The following PRPF8 variants were observed in gnomAD, a reference collection of about 807,000 sequenced individuals.
PRPF8 encodes the protein pre-mRNA-processing-splicing factor 8.
PRPF8 carries 64 observed loss-of-function variants against 285.9 expected under a neutral mutation model. The observed-to-expected ratio is 0.22, with a 90% CI of 0.18 to 0.28. The LOEUF (loss-of-function observed/expected upper bound fraction) is 0.28, where lower values mean the gene tolerates loss of function less well. PRPF8 is among the 10% of genes least tolerant of loss of function. The probability of loss-of-function intolerance (pLI) is 1.00; values close to 1 mark genes in which losing one functional copy is unlikely to be tolerated. For missense variants in PRPF8, 1,426 were observed against 3,026.7 expected (o/e 0.47, Z 12.41); for synonymous variants, 1,325 against 1,118.2 (o/e 1.18, Z -3.69).
intron 24 of PRPF8, among the ~76,000 whole-genome samples, chr17:1,670,259 T>C (rs1172506407): frequency 6.6e-6 from 1 of 152,230 alleles, no homozygotes; most frequent in Admixed American, 6.5e-5. Context: ...TTATATATCC[T>C]AAACTAGATT....
rs749957484 is a variant in PRPF8 at position 1,682,213 on chromosome 17, G to C, written c.350C>G (p.Pro117Arg). The change falls in exon 4 of 43, where the codon CCT (proline) becomes CGT (arginine). Residue 117 changes from proline (P) to arginine (R), a missense_variant. Pro to Arg is a moderately radical substitution (Grantham distance 103). This residue lies in a region of PRPF8 where 96 missense variants were observed against 188.3 expected (regional missense o/e 0.51). Coordinates refer to ENST00000304992, the MANE Select transcript of PRPF8 (RefSeq NM_006445.4). ...GGCTCCAGTGATGTGGTACAGCACA[G>C]GCACATCCCGAATCTGCTCCCAAGG... Reference protein sequence around the residue: ...PMPWEQIRDVPVLYHITGAIS... With the variant: ...PMPWEQIRDVRVLYHITGAIS... 1 of 1,614,008 alleles carries C rather than the reference G, an allele frequency of 6.2e-7. No homozygotes were observed. The highest frequency in any genetic ancestry group is 8.5e-7 in the Non-Finnish European group (1 of 1,180,030).
In PRPF8 at chr17:1,651,386, T is replaced by C. The variant is rs1567674203; in HGVS notation, c.6650+28A>G. 3 of 1,614,080 alleles carry C rather than the reference T, an allele frequency of 1.9e-6. No homozygotes were observed. The highest frequency in any genetic ancestry group is 2.5e-6 in the Non-Finnish European group (3 of 1,179,992). On this transcript the variant is annotated intron_variant, in intron 41 of 42. Transcript: ENST00000304992. The surrounding 1 kb of genome is among the most constrained non-coding windows in gnomAD (Gnocchi z 5.1). ...CTGGCCTGCAATCCCTGCCCCACCA[T>C]ACTTCCTCCCAAGGAGCCCAGGCCC... is the stretch of plus-strand genomic sequence containing the variant.
Position 1,660,687 on chromosome 17 carries a change from A to T in PRPF8, c.4638+11T>A. 1 of 1,614,206 alleles carries T rather than the reference A, an allele frequency of 6.2e-7. No individual in the cohort carries two copies. Among genetic ancestry groups the T allele is most frequent in the Non-Finnish European group, 8.5e-7 (1 of 1,180,044 alleles). ...CTTTAGCTTCCCCTCTCCAGTGTCA[A>T]TCACACTCACATTGGCTCGATTAAT... On this transcript the variant is annotated intron_variant, in intron 29 of 42. Transcript: ENST00000304992.
At chr17:1,662,379 G>T (rs1353300586) in intron 24 of PRPF8, among the ~76,000 whole-genome samples, 1 of 151,790 alleles carries the variant, frequency 6.6e-6, no homozygotes, top group African/African-American at 2.4e-5. Flanking sequence ...GCTTGAGCCC[G>T]GGAGTTGGAG....
At position 1,662,091 on chromosome 17, in the gene PRPF8, C is replaced by T. The variant is rs1329757056; in HGVS notation, c.3837G>A (p.Val1279=). ...GTAAGTCCAAGAGCTCTTGGGTGTTCACCACAGCCTCCCGAAAGTATGTCA... is the reference window on the plus strand; with the variant it reads ...GTAAGTCCAAGAGCTCTTGGGTGTTTACCACAGCCTCCCGAAAGTATGTCA... ...GLMTYFREAV[V]NTQELLDLLV... is the part of the protein sequence containing the mutation. The change falls in exon 25 of 43, where the codon GTG becomes GTA. Residue 1279 remains valine, a synonymous_variant. Transcript: ENST00000304992. The T allele has an allele frequency of 1.9e-6, 3 of 1,613,984 alleles. No individual in the cohort carries two copies. Among genetic ancestry groups the T allele is most frequent in the Admixed American group, 1.7e-5 (1 of 59,974 alleles).
intron 39 of PRPF8, chr17:1,652,270 A>T: frequency 3.5e-6 from 1 of 284,638 alleles, no homozygotes; most frequent in Non-Finnish European, 6.9e-6. Flanking sequence ...ATGGAGTCTC[A>T]CTCTGTCAGC....
chr17:1,666,485 A>G (rs936738234), intron 24 of PRPF8, among the ~76,000 whole-genome samples: 1 of 151,564 alleles, frequency 6.6e-6, no homozygotes, highest in African/African-American at 2.4e-5. Flanking sequence ...TGGGAGGCAG[A>G]GGTTACAGTG....
At chr17:1,652,587 C>G (rs1911143656) in intron 39 of PRPF8, 3 of 154,128 alleles carry the variant, frequency 1.9e-5, no homozygotes. Flanking sequence ...ACTCTGTCAC[C>G]CAGGCTAGCA....
intron 39 of PRPF8, chr17:1,652,711 AG>A (rs1045787593): frequency 7.5e-6 from 1 of 133,154 alleles, no homozygotes; most frequent in African/African-American, 3.3e-5. Flanking sequence ...ATGCCTGGCT[AG>A]TTTTTTTTTT....
chr17:1,650,833 T>G lies in PRPF8; in HGVS notation c.6977A>C (p.Tyr2326Ser). ...NFALLQEGEV[Y>S]SADREDLYA is the part of the protein sequence containing the mutation. ...ATACAGGTCCTCCCGATCCGCAGAG[T>G]AAACCTCCCCCTCCTGCAGGAGAGC... Residue 2326 changes from tyrosine to serine, a missense_variant, in exon 43 of 43, where the codon TAC (tyrosine) becomes TCC (serine). By Grantham distance (144) the Tyr-to-Ser change is moderately radical (BLOSUM62 -2). Around this residue, in one of 34 missense-constraint regions of PRPF8, gnomAD observed 59 missense variants for 58.6 expected, o/e 1.01. Transcript: ENST00000304992. 1.2e-6 allele frequency: 2 copies of G among 1,613,908 alleles called. No individual in the cohort carries two copies. The highest frequency in any genetic ancestry group is 1.7e-6 in the Non-Finnish European group (2 of 1,179,982).
Position 1,684,339 on chromosome 17 carries a change from G to A in PRPF8, c.100+133C>T, listed in dbSNP as rs187588905. On this transcript the variant is annotated intron_variant, in intron 2 of 42. Transcript: ENST00000304992. ...TAATACGCGCTTAAAATGACTTGAT[G>A]AAAAATTAACTGGAAATAACAAGGG... 1.3e-3 allele frequency: 1,266 copies of A among 940,842 alleles called. 5 individuals are homozygous for A. Among genetic ancestry groups the A allele is most frequent in the Middle Eastern group, 9.0e-3 (30 of 3,338 alleles). The allele number at this position is 940,842 out of a possible 1,614,324, so 58.3% of individuals were successfully genotyped here. A position where few individuals can be genotyped will look rare whatever the true frequency, so the allele number is the denominator to read the frequency against.
chr17:1,683,408 A>T, intron 3 of PRPF8, 125 bp downstream of exon 3: 1 of 1,061,202 alleles, frequency 9.4e-7, no homozygotes, highest in Non-Finnish European at 1.5e-6. Context: ...AGAGACTCCT[A>T]CTGGTTTTCT....
In PRPF8 at chr17:1,679,246, T is replaced by C. The variant is rs922360848; in HGVS notation, c.1410-40A>G. The C allele has an allele frequency of 6.2e-7, 1 of 1,614,062 alleles. No homozygotes were observed. Among genetic ancestry groups the C allele is most frequent in the Non-Finnish European group, 8.5e-7 (1 of 1,180,050 alleles). Reference sequence around the variant, plus strand: ...TGGAGAGTAAGAGTCAGCCTACTGATATCTCTGGAACAGAAGTCTGCGCAG... The same window carrying C: ...TGGAGAGTAAGAGTCAGCCTACTGACATCTCTGGAACAGAAGTCTGCGCAG... On this transcript the variant is annotated intron_variant, in intron 10 of 42. Coordinates refer to ENST00000304992, the MANE Select transcript of PRPF8 (RefSeq NM_006445.4). The surrounding 1 kb of genome is among the most constrained non-coding windows in gnomAD (Gnocchi z 4.7).
At position 1,676,389 on chromosome 17, in the gene PRPF8, A is replaced by C; in HGVS notation, c.2389-19T>G. ...GCCCGTCCTGTAAGGTGGACATGAA[A>C]TTAGCCTCCCGCTACAGCCCGATCC... On this transcript the variant is annotated intron_variant, in intron 16 of 42. Transcript: ENST00000304992. The surrounding 1 kb of genome is among the most constrained non-coding windows in gnomAD (Gnocchi z 6.3). The C allele has an allele frequency of 6.2e-7, 1 of 1,614,084 alleles. No homozygotes were observed. Among genetic ancestry groups the C allele is most frequent in the Non-Finnish European group, 8.5e-7 (1 of 1,180,016 alleles).
In PRPF8 at chr17:1,675,338, G is replaced by A. The variant is rs776481527; in HGVS notation, c.2874C>T (p.Gly958=). The A allele has an allele frequency of 1.2e-6, 2 of 1,614,100 alleles. No homozygotes were observed. The highest frequency in any genetic ancestry group is 3.3e-5 in the Admixed American group (2 of 60,012). The change falls in exon 20 of 43, where the codon GGC becomes GGT. Residue 958 remains glycine, a splice_region_variant and synonymous_variant. Coordinates refer to ENST00000304992, the MANE Select transcript of PRPF8 (RefSeq NM_006445.4). This position sits in a 1 kb window ranked among gnomAD's most constrained non-coding sequence, Gnocchi z 6.0. ...CCCACACGTCCTGCAGGTTATTGAT[G>A]CCTGAGGAGTAGCAAGGCAGGTCTC... ...PPLLVYKWCQ[G]INNLQDVWET...
intron 3 of PRPF8, 25 bp downstream of exon 3, chr17:1,683,508 G>A (rs1426155218): frequency 3.1e-6 from 5 of 1,613,826 alleles, no homozygotes; most frequent in Non-Finnish European, 3.4e-6. Context: ...AATTCCAAAT[G>A]AAATTATTTC....
rs1315233866 is a variant in PRPF8 at position 1,653,404 on chromosome 17, GT to G, written c.6369+137del. The G allele has an allele frequency of 5.1e-5, 64 of 1,256,796 alleles. No individual in the cohort carries two copies. Among genetic ancestry groups the G allele is most frequent in the Non-Finnish European group, 6.6e-5 (58 of 876,672 alleles). The allele number at this position is 1,256,796 out of a possible 1,614,324, so 77.9% of individuals were successfully genotyped here. On this transcript the variant is annotated intron_variant, in intron 39 of 42. Coordinates refer to ENST00000304992, the MANE Select transcript of PRPF8 (RefSeq NM_006445.4). This position sits in a 1 kb window ranked among gnomAD's most constrained non-coding sequence, Gnocchi z 4.9. ...TCATGGGGCCAAAACCCACCTCGTT[GT>G]TTTGGCTATCCTTGTATAATTACTC...
chr17:1,670,809 A>ACTT lies in PRPF8; in HGVS notation c.3774+2269_3774+2271dup, dbSNP rs1567685306. Among the ~76,000 whole-genome samples, 3 of 151,728 alleles carry ACTT rather than the reference A, an allele frequency of 2.0e-5. No homozygotes were observed. In the East Asian group the frequency reaches 5.8e-4, roughly 30 times the overall value. On this transcript the variant is annotated intron_variant, in intron 24 of 42. Coordinates refer to ENST00000304992, the MANE Select transcript of PRPF8 (RefSeq NM_006445.4). ...GCCTGCTCTCATCATTTTTATCTGG[A>ACTT]CTTCTTCAGTGGTCCCCAAACCTGG...
At position 1,650,751 on chromosome 17, in the gene PRPF8, A is replaced by T. The variant is rs1567673382; in HGVS notation, c.*51T>A. The T allele has an allele frequency of 3.1e-6, 5 of 1,608,438 alleles. No homozygotes were observed. The highest frequency in any genetic ancestry group is 4.3e-6 in the Non-Finnish European group (5 of 1,176,242). On this transcript the variant is annotated 3_prime_UTR_variant, in exon 43 of 43. Transcript: ENST00000304992. ...TGCTGAATGTCAGCGGCCTGTCTGG[A>T]GGGGCTGAGGCTTCGGCCTCGGGAG... is the stretch of plus-strand genomic sequence containing the variant.
Sources: gnomAD v4.1 joint callset for allele counts (sites outside exome capture counted in the v4.1 genomes callset) on GRCh38, gnomAD v4.1.1 for gene constraint, gnomAD v4.1.1 regional missense constraint, Gnocchi (gnomAD v3.1) non-coding constraint, MANE v1.5 for transcripts, NCBI Gene and HGNC (gene_info 2026-07-23, HGNC 2026-07-21) for gene names.